Variants in NPIPB5 observed in about 807,000 individuals in gnomAD.
NPIPB5 encodes nuclear pore complex-interacting protein family member B5.
For missense variants in NPIPB5, 10 were observed against 414.7 expected, an observed-to-expected ratio of 0.02 and a Z score of 8.48; for synonymous variants, 1 against 168.2, an observed-to-expected ratio of 0.01 and a Z score of 7.69.
downstream of NPIPB5, chr16:22,536,507 TA>T (rs1324262921): frequency 4.0e-5 from 6 of 148,184 alleles, no homozygotes; most frequent in African/African-American, 1.6e-4. Flanking sequence ...ATAAATAATA[TA>T]AAAATAAAAT....
At chr16:22,518,245 G>A (rs2049807767) in intron 1 of NPIPB5, among the ~76,000 whole-genome samples, 2 of 26,090 alleles carry the variant, frequency 7.7e-5, no homozygotes, top group Non-Finnish European at 1.8e-4. Context: ...TGCTTCTTAG[G>A]GTTGTTTTTC....
At chr16:22,511,078 G>C (rs2049779456), upstream of NPIPB5, among the ~76,000 whole-genome samples, 1 of 5,836 alleles carries the variant, frequency 1.7e-4, no homozygotes, top group Admixed American at 1.8e-3. Context: ...ACTCTATTAG[G>C]CTGGTCTGGA....
chr16:22,534,580 C>A (rs2049896354), exon 7 of NPIPB5: 1 of 1,610,330 alleles, frequency 6.2e-7, no homozygotes, highest in Non-Finnish European at 8.5e-7. Context: ...TATCAAGACA[C>A]CTGCCGAGCG....
At chr16:22,530,217 TG>T (rs1430305570) in intron 4 of NPIPB5, 1 of 84,268 alleles carries the variant, frequency 1.2e-5, no homozygotes, top group African/African-American at 8.0e-5. Flanking sequence ...AACTGAACCT[TG>T]TTAAAGTCAG....
chr16:22,518,232 G>A (rs2141912711), intron 1 of NPIPB5, among the ~76,000 whole-genome samples: 1 of 31,926 alleles, frequency 3.1e-5, no homozygotes, highest in Admixed American at 3.1e-4. Flanking sequence ...TTTTTGTTTT[G>A]CTTGCTTCTT....
At chr16:22,529,455 T>C (rs1249651297) in intron 4 of NPIPB5, among the ~76,000 whole-genome samples, 17 of 147,448 alleles carry the variant, frequency 1.2e-4, no homozygotes, top group East Asian at 4.2e-4. Flanking sequence ...CCAGAGCCAG[T>C]GGACTTCAGT....
intron 1 of NPIPB5, among the ~76,000 whole-genome samples, chr16:22,514,898 ACATATT>A (rs1481815318): frequency 2.5e-5 from 1 of 39,928 alleles, no homozygotes; most frequent in Non-Finnish European, 4.0e-5. Flanking sequence ...ACACACACAC[ACATATT>A]TTTTGAGACA....
At chr16:22,517,996 G>C (rs2049803342) in intron 1 of NPIPB5, among the ~76,000 whole-genome samples, 1 of 121,576 alleles carries the variant, frequency 8.2e-6, no homozygotes, top group Non-Finnish European at 1.8e-5. Flanking sequence ...GCTCACTGCA[G>C]ACTCTGCCTC....
intron 4 of NPIPB5, among the ~76,000 whole-genome samples, chr16:22,528,994 C>T (rs1192659967): frequency 1.7e-4 from 23 of 135,924 alleles, no homozygotes; most frequent in South Asian, 5.1e-4. Context: ...CCACCGTGCC[C>T]GGCCCAATTT....
intron 4 of NPIPB5, 199 bp downstream of exon 4, chr16:22,528,172 G>A (rs2049823792): frequency 3.6e-6 from 1 of 281,160 alleles, no homozygotes; most frequent in African/African-American, 3.8e-5. Flanking sequence ...CATTTTTTCG[G>A]AGGAAGAGGA....
chr16:22,510,591 C>A (rs1441797659), upstream of NPIPB5, among the ~76,000 whole-genome samples: 2 of 23,702 alleles, frequency 8.4e-5, no homozygotes, highest in Non-Finnish European at 1.2e-4. Context: ...CCACTGCACT[C>A]CAGCTTAGGC....
At chr16:22,514,904 T>A (rs1412810354) in intron 1 of NPIPB5, among the ~76,000 whole-genome samples, 41 of 22,072 alleles carry the variant, frequency 1.9e-3, no homozygotes, top group Middle Eastern at 0.024. Flanking sequence ...ACACACATAT[T>A]TTTTGAGACA....
At chr16:22,527,597 G>A in exon 3 of NPIPB5, 1 of 5,294 alleles carries the variant, frequency 1.9e-4, no homozygotes, top group Non-Finnish European at 3.8e-4. Flanking sequence ...TTCTGGTCTC[G>A]AAATGGACAT....
At position 22,528,692 on chromosome 16, in the gene NPIPB5, A is replaced by ATT. The variant is rs1175345253; in HGVS notation, c.545+747_545+748dup. ...AGGTGTGTGCCACCACATTTGACCAATTTTTTTTTTTTTTTTTTTTTTTTT... is the reference window on the plus strand; with the variant it reads ...AGGTGTGTGCCACCACATTTGACCAATTTTTTTTTTTTTTTTTTTTTTTTTTT... On this transcript the variant is annotated intron_variant, in intron 4 of 6. Coordinates refer to ENST00000424340, the Ensembl canonical transcript of NPIPB5. 4.9e-3 allele frequency among the ~76,000 whole-genome samples: 243 copies of ATT among 49,158 alleles called. 43 individuals are homozygous for ATT. Among genetic ancestry groups the ATT allele is most frequent in the African/African-American group, 0.022 (222 of 10,180 alleles). 32.2% of individuals were successfully genotyped at this position (49,158 alleles called of 152,430 possible). A position where few individuals can be genotyped will look rare whatever the true frequency, so the allele number is the denominator to read the frequency against.
intron 1 of NPIPB5, among the ~76,000 whole-genome samples, chr16:22,517,940 G>A (rs1480596185): frequency 1.4e-5 from 2 of 138,282 alleles, no homozygotes; most frequent in Admixed American, 1.5e-4. Context: ...TTTTGAGACA[G>A]AGTCTCGCTC....
intron 4 of NPIPB5, among the ~76,000 whole-genome samples, chr16:22,528,517 CTTT>C (rs1194681081): frequency 4.2e-5 from 3 of 72,274 alleles, no homozygotes; most frequent in African/African-American, 1.2e-4. Context: ...CACAGCCAGC[CTTT>C]TTTTTTTTTT....
chr16:22,536,484 TAACA>T (rs1359888186), downstream of NPIPB5: 2 of 143,838 alleles, frequency 1.4e-5, no homozygotes, highest in East Asian at 2.5e-4. Flanking sequence ...CTCCAAAAAC[TAACA>T]AAGAATAAAT....
At chr16:22,528,683 A>C (rs2049838419) in intron 4 of NPIPB5, among the ~76,000 whole-genome samples, 2 of 106,838 alleles carry the variant, frequency 1.9e-5, no homozygotes, top group Admixed American at 1.1e-4. Context: ...GTGCCACCAC[A>C]TTTGACCAAT....
At chr16:22,514,899 C>CACACAT (rs1555494809) in intron 1 of NPIPB5, among the ~76,000 whole-genome samples, 1 of 36,666 alleles carries the variant, frequency 2.7e-5, no homozygotes, top group Non-Finnish European at 4.3e-5. Context: ...CACACACACA[C>CACACAT]ATATTTTTTG....
Sources: gnomAD v4.1 joint callset for allele counts (sites outside exome capture counted in the v4.1 genomes callset) on GRCh38, gnomAD v4.1.1 for gene constraint, MANE v1.5 for transcripts, NCBI Gene and HGNC (gene_info 2026-07-23, HGNC 2026-07-21) for gene names.